DLGAP4: variants seen among roughly 807,000 people sequenced by gnomAD.
DLGAP4 encodes the protein disks large-associated protein 4.
A neutral mutation model predicts 86.9 loss-of-function variants in DLGAP4; 18 were observed. The observed-to-expected ratio is 0.21, with a 90% CI of 0.14 to 0.31. The LOEUF (loss-of-function observed/expected upper bound fraction) is 0.31, where lower values mean the gene tolerates loss of function less well. DLGAP4 is among the 10% of genes least tolerant of loss of function. DLGAP4 has a pLI of 1.00. For missense variants in DLGAP4, 1,085 were observed against 1,362.6 expected (o/e 0.80, Z 3.21); for synonymous variants, 548 against 574.3 (o/e 0.95, Z 0.65).
chr20:36,328,474 GT>G (rs111240421), intron 1 of DLGAP4, among the ~76,000 whole-genome samples: 495 of 141,726 alleles, frequency 3.5e-3, no homozygotes, highest in Admixed American at 3.7e-3. Flanking sequence ...AAACTGGCAG[GT>G]TTTTTTTTTT....
At chr20:36,365,919 G>C (rs570788078) in intron 1 of DLGAP4, among the ~76,000 whole-genome samples, 1 of 152,284 alleles carries the variant, frequency 6.6e-6, no homozygotes, top group Non-Finnish European at 1.5e-5. Flanking sequence ...CTCGGGTTCT[G>C]TGTCCCCACA....
chr20:36,414,552 G>A (rs780580958), intron 2 of DLGAP4, among the ~76,000 whole-genome samples: 2 of 152,240 alleles, frequency 1.3e-5, no homozygotes, highest in Non-Finnish European at 2.9e-5. Flanking sequence ...TCAGGATCAG[G>A]AGAACTGAGC....
chr20:36,342,227 A>C (rs572097840), intron 1 of DLGAP4, among the ~76,000 whole-genome samples: 1 of 151,698 alleles, frequency 6.6e-6, no homozygotes, highest in East Asian at 1.9e-4. Flanking sequence ...TGTGCCTCAG[A>C]CTCCTCTTTG....
At chr20:36,341,094 T>C (rs56356808) in intron 1 of DLGAP4, among the ~76,000 whole-genome samples, 32,719 of 152,166 alleles carry the variant, frequency 0.22, 4,752 homozygotes, top group Non-Finnish European at 0.33. Context: ...GAGAGGGCAC[T>C]TGCTTCCTCT....
intron 7 of DLGAP4, among the ~76,000 whole-genome samples, chr20:36,489,602 C>T (rs1432493334): frequency 6.6e-6 from 1 of 150,462 alleles, no homozygotes; most frequent in East Asian, 2.0e-4. Flanking sequence ...TGAATAGTTT[C>T]AAACAGTGAC....
At chr20:36,401,223 A>G (rs1174469501) in intron 2 of DLGAP4, among the ~76,000 whole-genome samples, 1 of 152,202 alleles carries the variant, frequency 6.6e-6, no homozygotes, top group Non-Finnish European at 1.5e-5. Flanking sequence ...CCTACAATGA[A>G]TCCAATTAGA....
At chr20:36,320,183 T>A (rs1600395362) in intron 1 of DLGAP4, among the ~76,000 whole-genome samples, 1 of 74,646 alleles carries the variant, frequency 1.3e-5, no homozygotes, top group Non-Finnish European at 2.6e-5. Flanking sequence ...CCCCCCTCTG[T>A]GCCCCTCTCC....
intron 11 of DLGAP4, chr20:36,525,491 C>G: frequency 3.0e-6 from 1 of 330,756 alleles, no homozygotes; most frequent in Non-Finnish European, 5.8e-6. Context: ...GATTCTGTGA[C>G]CTTTCCCACC....
chr20:36,448,091 C>T (rs1449502519), intron 7 of DLGAP4, among the ~76,000 whole-genome samples: 1 of 150,670 alleles, frequency 6.6e-6, no homozygotes, highest in Non-Finnish European at 1.5e-5. Context: ...TGCAGTGGCT[C>T]ACGCCTATAA....
chr20:36,337,376 G>A (rs931529513), intron 1 of DLGAP4, among the ~76,000 whole-genome samples: 3 of 152,160 alleles, frequency 2.0e-5, no homozygotes, highest in East Asian at 1.9e-4. Context: ...GGCAAGGCCC[G>A]CTGGGTAGGT....
intron 2 of DLGAP4, among the ~76,000 whole-genome samples, chr20:36,398,887 G>C (rs1396920718): frequency 2.6e-5 from 4 of 152,102 alleles, no homozygotes; most frequent in African/African-American, 9.7e-5. Context: ...CTGGAGCTTG[G>C]ATTACCTAAT....
At chr20:36,341,513 C>G (rs11906739) in intron 1 of DLGAP4, among the ~76,000 whole-genome samples, 1 of 152,258 alleles carries the variant, frequency 6.6e-6, no homozygotes, top group African/African-American at 2.4e-5. Context: ...CCTCCGAAAG[C>G]CTTTGTTCCC....
intron 10 of DLGAP4, chr20:36,511,044 G>A (rs1167744004): frequency 6.6e-6 from 1 of 152,208 alleles, no homozygotes; most frequent in Non-Finnish European, 1.5e-5. Flanking sequence ...TGGAAGTAGA[G>A]TAAGCTTATA....
chr20:36,461,798 C>A (rs974072483), intron 7 of DLGAP4: 1 of 977,912 alleles, frequency 1.0e-6, no homozygotes, highest in African/African-American at 1.8e-5. Flanking sequence ...AGCCGCCAGT[C>A]CTCCAGCCCG....
chr20:36,306,414 C>G lies in DLGAP4; in HGVS notation c.-402C>G, dbSNP rs1240590733. 1 of 149,458 alleles carries G rather than the reference C, an allele frequency of 6.7e-6. No homozygotes were observed. Among genetic ancestry groups the G allele is most frequent in the Non-Finnish European group, 1.5e-5 (1 of 66,738 alleles). The allele number at this position is 149,458 out of a possible 1,614,324, so 9.3% of individuals were successfully genotyped here. A position where few individuals can be genotyped will look rare whatever the true frequency, so the allele number is the denominator to read the frequency against. ...CGCGGGCCGGAGCCGGGGCGGGGGC[C>G]GGGGCCTAGGCGCGCGGACCTGCGA... On this transcript the variant is annotated 5_prime_UTR_variant, in exon 1 of 13. Transcript: ENST00000339266. The surrounding 1 kb of genome is among the most constrained non-coding windows in gnomAD (Gnocchi z 4.9).
intron 2 of DLGAP4, among the ~76,000 whole-genome samples, chr20:36,415,472 C>T (rs2032626844): frequency 1.3e-5 from 2 of 152,100 alleles, no homozygotes; most frequent in South Asian, 4.2e-4. Context: ...CCCATCCTTC[C>T]TCTAGCACCC....
chr20:36,401,481 G>A (rs576062667), intron 2 of DLGAP4, among the ~76,000 whole-genome samples: 1 of 152,158 alleles, frequency 6.6e-6, no homozygotes, highest in African/African-American at 2.4e-5. Flanking sequence ...TTTCCCTCCC[G>A]GGCTGTGTGT....
chr20:36,445,887 T>A (rs1217873169), intron 6 of DLGAP4, among the ~76,000 whole-genome samples: 1 of 152,208 alleles, frequency 6.6e-6, no homozygotes. Context: ...TCAAAGAGTA[T>A]GTGCATGGTG....
At chr20:36,331,978 G>T (rs1555891598) in intron 1 of DLGAP4, among the ~76,000 whole-genome samples, 1 of 152,054 alleles carries the variant, frequency 6.6e-6, no homozygotes, top group African/African-American at 2.4e-5. Context: ...AAGAGTCGGG[G>T]GCGGGTAGGG....
Sources: gnomAD v4.1 joint callset for allele counts (sites outside exome capture counted in the v4.1 genomes callset) on GRCh38, gnomAD v4.1.1 for gene constraint, Gnocchi (gnomAD v3.1) non-coding constraint, MANE v1.5 for transcripts, NCBI Gene and HGNC (gene_info 2026-07-23, HGNC 2026-07-21) for gene names.